The following MGA variants were observed in gnomAD, a reference collection of about 807,000 sequenced individuals.
MGA encodes MAX dimerization protein MGA, also known as MAX gene-associated protein.
A neutral mutation model predicts 261.1 loss-of-function variants in MGA; 40 were observed. The ratio of observed to expected loss-of-function variants is 0.15; its 90% CI spans 0.12 to 0.20. MGA has a LOEUF of 0.20. MGA is among the 10% of genes least tolerant of loss of function. The pLI, the probability that MGA is intolerant of heterozygous loss-of-function variation, is 1.00. For missense variants in MGA, 3,397 were observed against 3,630.5 expected (o/e 0.94, Z 1.65); for synonymous variants, 1,302 against 1,290.6 (o/e 1.01, Z -0.19).
intron 2 of MGA, among the ~76,000 whole-genome samples, chr15:41,693,980 C>T (rs1267832644): frequency 2.0e-5 from 3 of 151,966 alleles, no homozygotes. Context: ...TGCAAGAAAT[C>T]TAAGAAAATA....
At chr15:41,686,833 C>T (rs1342915535) in intron 2 of MGA, among the ~76,000 whole-genome samples, 1 of 151,880 alleles carries the variant, frequency 6.6e-6, no homozygotes, top group Non-Finnish European at 1.5e-5. Flanking sequence ...CATTACCTGG[C>T]CATGATGATA....
At chr15:41,738,331 G>A (rs1324740928) in intron 13 of MGA, among the ~76,000 whole-genome samples, 1 of 152,180 alleles carries the variant, frequency 6.6e-6, no homozygotes, top group East Asian at 1.9e-4. Context: ...GGAGGCAGAG[G>A]TTGCAGTGAG....
At chr15:41,707,451 A>G (rs950325380) in intron 5 of MGA, among the ~76,000 whole-genome samples, 5 of 152,194 alleles carry the variant, frequency 3.3e-5, no homozygotes, top group African/African-American at 4.8e-5. Flanking sequence ...CTCCCTTACC[A>G]CATTTTATTG....
At position 41,627,216 on chromosome 15, in the gene MGA, G is replaced by A. The variant is rs147082915; in HGVS notation, c.-68+5918G>A. 2.0e-3 allele frequency among the ~76,000 whole-genome samples: 297 copies of A among 152,174 alleles called. 2 individuals carry two copies. The highest frequency in any genetic ancestry group is 7.0e-3 in the African/African-American group (289 of 41,512). Reference sequence around the variant, plus strand: ...CCACACCCAGCCTATTATAATTAAGGAACCAATAATGATACATTATTATTA... The same window carrying A: ...CCACACCCAGCCTATTATAATTAAGAAACCAATAATGATACATTATTATTA... On this transcript the variant is annotated intron_variant, in intron 1 of 8. Transcript: ENST00000566718.
At chr15:41,712,968 G>A (rs142354203) in intron 8 of MGA, among the ~76,000 whole-genome samples, 183 bp from the exon 9 acceptor site, 164 of 152,290 alleles carry the variant, frequency 1.1e-3, no homozygotes, top group African/African-American at 3.5e-3. Flanking sequence ...TCTGTACTAA[G>A]CATTAGAATG....
intron 14 of MGA, among the ~76,000 whole-genome samples, chr15:41,741,405 G>A (rs574538023): frequency 3.0e-4 from 45 of 149,738 alleles, no homozygotes; most frequent in African/African-American, 1.0e-3. Flanking sequence ...AGCTTCAGTT[G>A]TGATTAAGGG....
intron 9 of MGA, among the ~76,000 whole-genome samples, chr15:41,719,281 T>A (rs1343997513): frequency 1.3e-5 from 2 of 152,102 alleles, no homozygotes; most frequent in Non-Finnish European, 2.9e-5. Context: ...TTGTTTTCAT[T>A]TATCAGAAGA....
intron 22 of MGA, 99 bp from the exon 23 acceptor site, chr15:41,764,787 G>C: frequency 8.4e-7 from 1 of 1,196,068 alleles, no homozygotes; most frequent in Admixed American, 2.1e-5. Context: ...CAAGTGATCT[G>C]CCTGCCTCAG....
chr15:41,761,883 A>G (rs753096095), intron 21 of MGA, 33 bp downstream of exon 21: 5 of 1,402,548 alleles, frequency 3.6e-6, no homozygotes, highest in Middle Eastern at 1.8e-4. Context: ...GGTAAAGAGC[A>G]TAATTATAGC....
intron 5 of MGA, among the ~76,000 whole-genome samples, chr15:41,700,708 A>G (rs1416412279): frequency 6.6e-6 from 1 of 151,914 alleles, no homozygotes; most frequent in East Asian, 1.9e-4. Flanking sequence ...ATCACTACCA[A>G]TTTTCCTGTT....
chr15:41,696,725 C>T lies in MGA; in HGVS notation c.1715C>T (p.Ser572Leu), dbSNP rs2059564661. The change falls in exon 3 of 24, where the codon TCA becomes TTA. Residue 572 changes from serine (S) to leucine (L), a missense_variant. Physicochemically the swap from Ser to Leu is moderately radical, Grantham distance 145. Transcript: ENST00000219905. ...AGAATACTCGACGATTCAAAGGATT[C>T]AGTTGGAGACTCACTTTCAGGAAAA... The T allele has an allele frequency of 2.5e-6, 4 of 1,612,200 alleles. No individual in the cohort carries two copies. Among genetic ancestry groups the T allele is most frequent in the African/African-American group, 1.3e-5 (1 of 75,038 alleles).
intron 2 of MGA, chr15:41,684,413 A>G: frequency 2.2e-6 from 1 of 453,422 alleles, no homozygotes; most frequent in Non-Finnish European, 4.4e-6. Context: ...TGCCTAATTT[A>G]TTTGGATAGA....
intron 2 of MGA, among the ~76,000 whole-genome samples, chr15:41,670,874 G>A (rs148917576): frequency 6.8e-6 from 1 of 147,808 alleles, no homozygotes; most frequent in African/African-American, 2.5e-5. Flanking sequence ...TATGGATTAG[G>A]ATATCCCTCA....
chr15:41,733,113 C>T (rs574578822), intron 11 of MGA, among the ~76,000 whole-genome samples: 40 of 152,214 alleles, frequency 2.6e-4, no homozygotes, highest in Non-Finnish European at 4.9e-4. Flanking sequence ...CGGGTGCCAC[C>T]ATGCCCGGCT....
In MGA at chr15:41,764,906, A is replaced by C. The variant is rs2063720637; in HGVS notation, c.7765A>C (p.Thr2589Pro). The change falls in exon 23 of 24, where the codon ACT (threonine) becomes CCT (proline). Residue 2589 changes from threonine to proline, a missense_variant. Thr to Pro is a conservative substitution (Grantham distance 38). This residue lies in a region of MGA where 647 missense variants were observed against 642.4 expected (regional missense o/e 1.01). Transcript: ENST00000219905. ...TACAGAAAATACCTCACCCTTGAACACTCCACACACCTCTGCCAACCTTGT... is the reference window on the plus strand; with the variant it reads ...TACAGAAAATACCTCACCCTTGAACCCTCCACACACCTCTGCCAACCTTGT... The C allele has an allele frequency of 1.2e-6, 2 of 1,613,654 alleles. No homozygotes were observed. Among genetic ancestry groups the C allele is most frequent in the Non-Finnish European group, 1.7e-6 (2 of 1,179,838 alleles).
At chr15:41,737,579 A>G (rs2061855223) in intron 13 of MGA, among the ~76,000 whole-genome samples, 1 of 152,076 alleles carries the variant, frequency 6.6e-6, no homozygotes, top group African/African-American at 2.4e-5. Context: ...TGTAGGACAA[A>G]TACCTTTATC....
At chr15:41,743,313 C>T (rs1293831412) in intron 15 of MGA, 141 bp downstream of exon 15, 6 of 1,088,734 alleles carry the variant, frequency 5.5e-6, no homozygotes, top group South Asian at 3.5e-5. Flanking sequence ...TCCTGAAAAC[C>T]TCTGCATGCT....
At chr15:41,696,031 A>G (rs776263165) in intron 2 of MGA, 44 bp from the exon 3 acceptor site, 4 of 1,316,906 alleles carry the variant, frequency 3.0e-6, no homozygotes, top group Non-Finnish European at 3.1e-6. Flanking sequence ...TTGTTAATGG[A>G]TCATTTTGTA....
chr15:41,757,698 T>G, intron 18 of MGA, 90 bp from the exon 19 acceptor site: 1 of 983,816 alleles, frequency 1.0e-6, no homozygotes, highest in Non-Finnish European at 1.5e-6. Context: ...AGAAACTGGT[T>G]GTAATTTGGA....
Sources: allele counts gnomAD v4.1 joint callset (sites outside exome capture counted in the v4.1 genomes callset), GRCh38; gene constraint gnomAD v4.1.1; regional missense constraint gnomAD v4.1.1; transcripts MANE v1.5; gene names NCBI Gene and HGNC (gene_info 2026-07-23, HGNC 2026-07-21).